The following EPM2A variants were observed in gnomAD, a reference collection of about 807,000 sequenced individuals.
The protein encoded by EPM2A is laforin.
EPM2A carries 21 observed loss-of-function variants against 26.5 expected under a neutral mutation model. The ratio of observed to expected loss-of-function variants is 0.79; its 90% confidence interval spans 0.56 to 1.14. The LOEUF (loss-of-function observed/expected upper bound fraction) is 1.14. Among genes scored for constraint, EPM2A ranks in the 50% most tolerant of loss-of-function variants. EPM2A has a pLI of 0.00. For synonymous variants in EPM2A, 217 were observed against 177.6 expected (o/e 1.22, Z -1.76); for missense variants, 458 against 440.8 (o/e 1.04, Z -0.35).
chr6:145,485,525 G>C (rs1463089261), intron 4 of EPM2A, among the ~76,000 whole-genome samples: 1 of 152,044 alleles, frequency 6.6e-6, no homozygotes, highest in Non-Finnish European at 1.5e-5. Flanking sequence ...ACAAACCGCA[G>C]GGAAGGAAGC....
intron 2 of EPM2A, among the ~76,000 whole-genome samples, chr6:145,597,007 G>A (rs936717265): frequency 1.4e-5 from 2 of 144,942 alleles, no homozygotes; most frequent in African/African-American, 5.2e-5. Flanking sequence ...CCATTCTCCT[G>A]CCTCAGCCTC....
rs1215856544 is a variant in EPM2A at position 145,488,520 on chromosome 6, T to TGAGAGAGA, written c.555+14001_555+14002insTCTCTCTC. On this transcript the variant is annotated intron_variant, in intron 4 of 4. Transcript: ENST00000638717. ...TTGTGTGTGTGTGTGTGTGTGTGTG[T>TGAGAGAGA]GTGAGAGAGAGAGAGAGAGAGAGAG... Among the ~76,000 whole-genome samples, 486 of 136,560 alleles carry TGAGAGAGA rather than the reference T, an allele frequency of 3.6e-3. 4 individuals are homozygous for TGAGAGAGA. In the East Asian group the frequency reaches 0.036, roughly 10 times the overall value. 89.6% of individuals were successfully genotyped at this position (136,560 alleles called of 152,430 possible). A position where few individuals can be genotyped will look rare whatever the true frequency, so the allele number is the denominator to read the frequency against.
chr6:145,507,860 G>C (rs570621177), intron 2 of EPM2A, among the ~76,000 whole-genome samples: 1 of 152,254 alleles, frequency 6.6e-6, no homozygotes, highest in South Asian at 2.1e-4. Flanking sequence ...TACAGCCAGG[G>C]ACAGCTTTGT....
intron 4 of EPM2A, among the ~76,000 whole-genome samples, chr6:145,485,463 GT>G (rs781332213): frequency 4.6e-5 from 7 of 152,194 alleles, no homozygotes; most frequent in Non-Finnish European, 8.8e-5. Context: ...CTGGCAGGGG[GT>G]GGGAGAGGAT....
intron 4 of EPM2A, among the ~76,000 whole-genome samples, chr6:145,442,971 C>T (rs2328685): frequency 0.64 from 97,115 of 151,766 alleles, 32,526 homozygotes; most frequent in East Asian, 0.8. Flanking sequence ...TGCCATTCTC[C>T]TGCCTCAGCC....
intron 4 of EPM2A, among the ~76,000 whole-genome samples, chr6:145,436,757 A>G (rs952336094): frequency 2.0e-5 from 3 of 151,754 alleles, no homozygotes; most frequent in Admixed American, 6.6e-5. Flanking sequence ...AAATTGACCT[A>G]TTTTCAAGTT....
chr6:145,430,851 A>T lies in EPM2A; in HGVS notation c.556-46754T>A, dbSNP rs184485315. ...AATCTAGGTGCAAAAGAATGCTGAA[A>T]AAATATTCATAGTTTCAGCCTCAGA... On this transcript the variant is annotated intron_variant, in intron 4 of 4. Coordinates refer to the EPM2A transcript ENST00000638717. 4.1e-4 allele frequency among the ~76,000 whole-genome samples: 62 copies of T among 152,342 alleles called. 1 individual carries two copies. The highest frequency in any genetic ancestry group is 3.7e-3 in the Admixed American group (56 of 15,304).
intron 2 of EPM2A, among the ~76,000 whole-genome samples, chr6:145,557,723 CTTAT>C (rs1780747936): frequency 6.6e-6 from 1 of 152,030 alleles, no homozygotes; most frequent in Non-Finnish European, 1.5e-5. Context: ...ACCTCATATA[CTTAT>C]TTTATTGTGA....
intron 2 of EPM2A, among the ~76,000 whole-genome samples, chr6:145,562,107 C>T (rs1396889254): frequency 2.2e-5 from 3 of 136,740 alleles, no homozygotes; most frequent in Admixed American, 1.5e-4. Context: ...AAAAAACTAG[C>T]TTTCTTTTGA....
intron 4 of EPM2A, among the ~76,000 whole-genome samples, chr6:145,475,741 A>C (rs2114729207): frequency 6.6e-6 from 1 of 152,198 alleles, no homozygotes. Flanking sequence ...ATAATAAGTT[A>C]TAAGAGAGTA....
downstream of EPM2A, among the ~76,000 whole-genome samples, chr6:145,620,319 T>C (rs1358238640): frequency 6.6e-6 from 1 of 152,164 alleles, no homozygotes; most frequent in East Asian, 1.9e-4. Flanking sequence ...GCTGACAATC[T>C]GATGCCGCTG....
At chr6:145,537,757 C>G (rs7755253) in intron 2 of EPM2A, among the ~76,000 whole-genome samples, 54,080 of 151,484 alleles carry the variant, frequency 0.36, 10,186 homozygotes, top group South Asian at 0.51. Flanking sequence ...CCCCTCACTC[C>G]CCACCCCCCG....
chr6:145,670,542 T>C (rs1779566247), intron 2 of EPM2A: 1 of 152,124 alleles, frequency 6.6e-6, no homozygotes, highest in South Asian at 2.1e-4. Flanking sequence ...CAGCATGGTC[T>C]GCCAAAACTG....
At position 145,732,236 on chromosome 6, in the gene EPM2A, T is replaced by TGTGTGTGTGTGTGC. The variant is rs374032616; in HGVS notation, c.301+2961_301+2962insGCACACACACACAC. ...GTGTGTGTGTGTGTGTGTGTGTGTG[T>TGTGTGTGTGTGTGC]GCGCGCCAAAGTAAGGAAGGGAGAG... On this transcript the variant is annotated intron_variant, in intron 1 of 3. Coordinates refer to ENST00000367519, the MANE Select transcript of EPM2A (RefSeq NM_005670.4). Among the ~76,000 whole-genome samples, 47 of 132,220 alleles carry TGTGTGTGTGTGTGC rather than the reference T, an allele frequency of 3.6e-4. No homozygotes were observed. In the East Asian group the frequency reaches 4.6e-3, roughly 13 times the overall value. 86.7% of individuals were successfully genotyped at this position (132,220 alleles called of 152,430 possible). A position where few individuals can be genotyped will look rare whatever the true frequency, so the allele number is the denominator to read the frequency against.
intron 3 of EPM2A, chr6:145,629,134 A>G (rs910513854): frequency 2.6e-5 from 4 of 152,270 alleles, no homozygotes; most frequent in African/African-American, 9.6e-5. Context: ...TGCTCCACAC[A>G]GCAGTTTAGA....
At chr6:145,682,956 A>T (rs1199659472) in intron 2 of EPM2A, among the ~76,000 whole-genome samples, 1 of 152,232 alleles carries the variant, frequency 6.6e-6, no homozygotes, top group Admixed American at 6.5e-5. Context: ...CTATTTCAGC[A>T]GCTAAGATAA....
chr6:145,468,722 G>A (rs1283724441), intron 4 of EPM2A, among the ~76,000 whole-genome samples: 5 of 152,054 alleles, frequency 3.3e-5, no homozygotes, highest in African/African-American at 9.7e-5. Context: ...TTTGGACTGG[G>A]CAAAGATTTC....
At chr6:145,711,997 G>A (rs1313573712) in intron 1 of EPM2A, among the ~76,000 whole-genome samples, 1 of 152,122 alleles carries the variant, frequency 6.6e-6, no homozygotes, top group Admixed American at 6.6e-5. Context: ...TTTGAAAAGA[G>A]CCCCTTTAGA....
chr6:145,702,436 T>C (rs575905578), intron 1 of EPM2A, among the ~76,000 whole-genome samples: 55 of 150,312 alleles, frequency 3.7e-4, no homozygotes, highest in African/African-American at 1.4e-3. Flanking sequence ...GAGAAAATCA[T>C]TTAAGCAAAC....
Sources: allele counts gnomAD v4.1 joint callset (sites outside exome capture counted in the v4.1 genomes callset), GRCh38; gene constraint gnomAD v4.1.1; transcripts MANE v1.5; gene names NCBI Gene and HGNC (gene_info 2026-07-23, HGNC 2026-07-21).